CSF1R: variants seen among roughly 807,000 people sequenced by gnomAD.
CSF1R encodes the protein macrophage colony-stimulating factor 1 receptor.
A neutral mutation model predicts 110.0 loss-of-function variants in CSF1R; 40 were observed. The observed-to-expected ratio is 0.36, with a 90% CI of 0.28 to 0.47. The LOEUF is 0.47. Among genes scored for constraint, CSF1R ranks in the 20% least tolerant of loss-of-function variants. The probability of loss-of-function intolerance (pLI) is 0.99; values close to 1 mark genes in which losing one functional copy is unlikely to be tolerated. For missense variants in CSF1R, 1,052 were observed against 1,253.0 expected (o/e 0.84, Z 2.42); for synonymous variants, 523 against 503.4 (o/e 1.04, Z -0.52).
chr5:150,095,337 C>T (rs1202295492), intron 1 of CSF1R, among the ~76,000 whole-genome samples: 1 of 152,110 alleles, frequency 6.6e-6, no homozygotes, highest in East Asian at 1.9e-4. Flanking sequence ...ACATTCATCT[C>T]AAGGGCATAT....
chr5:150,097,369 G>A (rs1294379461), intron 1 of CSF1R, among the ~76,000 whole-genome samples: 2 of 148,972 alleles, frequency 1.3e-5, no homozygotes, highest in Non-Finnish European at 3.0e-5. Flanking sequence ...GAGAGAGAAA[G>A]AGAAGGAAAG....
intron 10 of CSF1R, among the ~76,000 whole-genome samples, chr5:150,062,731 G>A (rs1340738932): frequency 6.6e-6 from 1 of 152,224 alleles, no homozygotes; most frequent in Non-Finnish European, 1.5e-5. Flanking sequence ...TCTAGTGGCT[G>A]AGAGAGGCAT....
intron 1 of CSF1R, among the ~76,000 whole-genome samples, chr5:150,112,908 T>A (rs1409512175): frequency 6.6e-6 from 1 of 152,092 alleles, no homozygotes; most frequent in Admixed American, 6.5e-5. Flanking sequence ...CCCACTCAAA[T>A]GAAGATGCCG....
At chr5:150,061,653 C>T in intron 11 of CSF1R, 58 bp from the exon 12 acceptor site, 1 of 1,614,106 alleles carries the variant, frequency 6.2e-7, no homozygotes, top group South Asian at 1.1e-5. Context: ...TGTCCAAGGG[C>T]CCATGGGCTC....
intron 5 of CSF1R, among the ~76,000 whole-genome samples, chr5:150,074,090 C>T (rs1023375553): frequency 6.6e-6 from 1 of 152,172 alleles, no homozygotes; most frequent in Non-Finnish European, 1.5e-5. Context: ...TCAGATACTA[C>T]AAGGCGGATA....
intron 5 of CSF1R, among the ~76,000 whole-genome samples, chr5:150,075,178 G>T (rs540099948): frequency 6.6e-6 from 1 of 152,090 alleles, no homozygotes; most frequent in African/African-American, 2.4e-5. Context: ...GTGAGCTTTT[G>T]GGGGCAAGGC....
intron 12 of CSF1R, 152 bp downstream of exon 12, chr5:150,061,339 C>A: frequency 3.0e-6 from 2 of 675,280 alleles, no homozygotes; most frequent in East Asian, 5.5e-5. Flanking sequence ...GTGCCTGGAG[C>A]TCACAAGAAA....
intron 6 of CSF1R, among the ~76,000 whole-genome samples, chr5:150,072,260 G>A (rs1256262916): frequency 2.0e-5 from 3 of 152,258 alleles, no homozygotes; most frequent in East Asian, 1.9e-4. Flanking sequence ...TTGGGAGGCC[G>A]AGGCAGGCAG....
chr5:150,071,166 A>T (rs1290574655), intron 6 of CSF1R, among the ~76,000 whole-genome samples: 2 of 152,180 alleles, frequency 1.3e-5, no homozygotes, highest in African/African-American at 4.8e-5. Context: ...GGTGCTTGAC[A>T]CAGAAGTTGA....
At chr5:150,078,029 T>C in intron 4 of CSF1R, 83 bp downstream of exon 4, 1 of 1,566,614 alleles carries the variant, frequency 6.4e-7, no homozygotes, top group Non-Finnish European at 8.7e-7. Flanking sequence ...CAGTTTGGAG[T>C]TGGGGGCCCA....
Position 150,054,171 on chromosome 5 carries a change from G to GCTGCTGCTGCCGCTGCCA in CSF1R, c.2799_2816dup (p.Gly934_Ser939dup), listed in dbSNP as rs777933990. On this transcript the variant is annotated inframe_insertion, in exon 21 of 21. Coordinates refer to ENST00000675795, the MANE Select transcript of CSF1R (RefSeq NM_001288705.3). ...TAGAGCTCTCCTCCTCCAGCTCACT[G>GCTGCTGCTGCCGCTGCCA]CTGCTGCTGCCGCTGCCACCGCTTC... The GCTGCTGCTGCCGCTGCCA allele has an allele frequency of 6.2e-7, 1 of 1,611,162 alleles. No individual in the cohort carries two copies. The highest frequency in any genetic ancestry group is 8.5e-7 in the Non-Finnish European group (1 of 1,178,712).
At chr5:150,068,730 A>G (rs1455788477) in intron 9 of CSF1R, among the ~76,000 whole-genome samples, 2 of 152,142 alleles carry the variant, frequency 1.3e-5, no homozygotes, top group Non-Finnish European at 2.9e-5. Context: ...GTCACACTGC[A>G]ACCTTCCTCT....
intron 1 of CSF1R, among the ~76,000 whole-genome samples, chr5:150,100,446 C>T (rs906430253): frequency 6.6e-6 from 1 of 151,848 alleles, no homozygotes; most frequent in Non-Finnish European, 1.5e-5. Flanking sequence ...TAAAGGCACC[C>T]GCCACCACGC....
At chr5:150,097,639 C>T (rs949903287) in intron 1 of CSF1R, among the ~76,000 whole-genome samples, 1 of 151,872 alleles carries the variant, frequency 6.6e-6, no homozygotes, top group Non-Finnish European at 1.5e-5. Flanking sequence ...TTATTTTTTA[C>T]AAATACTATT....
At position 150,061,724 on chromosome 5, in the gene CSF1R, A is replaced by G; in HGVS notation, c.1752T>C (p.Phe584=). Residue 584 remains phenylalanine (F), a splice_region_variant and synonymous_variant, in exon 11 of 21, where the codon TTT becomes TTC. Transcript: ENST00000675795. The stretch of plus-strand genomic sequence containing the variant: ...TGGAGTGATGAGCTGCCATCTCACC[A>G]AACTGCAGGTTGTTCCGGGGGAACT... ...KWEFPRNNLQ[F]GKTLGAGAFG... 1 of 1,614,130 alleles carries G rather than the reference A, an allele frequency of 6.2e-7. No individual in the cohort carries two copies. The highest frequency in any genetic ancestry group is 8.5e-7 in the Non-Finnish European group (1 of 1,180,036).
chr5:150,112,775 G>A (rs1342730254), intron 1 of CSF1R, among the ~76,000 whole-genome samples: 1 of 152,158 alleles, frequency 6.6e-6, no homozygotes. Flanking sequence ...CTGAGTTGGC[G>A]GCTGGGCCTG....
chr5:150,088,541 CTTTCTTT>C (rs1238772738), upstream of CSF1R, among the ~76,000 whole-genome samples: 2 of 141,900 alleles, frequency 1.4e-5, no homozygotes, highest in Non-Finnish European at 3.1e-5. Context: ...TTCTTTCTTT[CTTTCTTT>C]TTTGAGACAG....
chr5:150,087,510 T>C (rs1758888316), upstream of CSF1R, among the ~76,000 whole-genome samples: 1 of 152,230 alleles, frequency 6.6e-6, no homozygotes, highest in Non-Finnish European at 1.5e-5. Flanking sequence ...ATGGTGGAGA[T>C]AGGATTTGGA....
At chr5:150,093,133 C>G (rs145040208) in intron 1 of CSF1R, among the ~76,000 whole-genome samples, 10 of 152,270 alleles carry the variant, frequency 6.6e-5, no homozygotes, top group East Asian at 5.8e-4. Context: ...GGCTGGAGGG[C>G]AGTGGCGTGA....
Sources: gnomAD v4.1 joint callset for allele counts (sites outside exome capture counted in the v4.1 genomes callset) on GRCh38, gnomAD v4.1.1 for gene constraint, MANE v1.5 for transcripts, NCBI Gene and HGNC (gene_info 2026-07-23, HGNC 2026-07-21) for gene names.